Variants in JOSD1 observed in about 807,000 individuals in gnomAD.
The protein encoded by JOSD1 is josephin-1.
In JOSD1, 11 loss-of-function variants were observed where a neutral mutation model predicts 24.3. The observed-to-expected ratio is 0.45, with a 90% CI of 0.29 to 0.75. JOSD1 has a LOEUF of 0.75. Ranked by LOEUF, JOSD1 falls within the 30% of genes least tolerant of loss-of-function variation. JOSD1 has a pLI of 0.11. For missense variants in JOSD1, 184 were observed against 253.5 expected, an observed-to-expected ratio of 0.73 and a Z score of 1.86; for synonymous variants, 106 against 93.8, an observed-to-expected ratio of 1.13 and a Z score of -0.75.
At chr22:38,695,534 A>G (rs1003549856) in intron 2 of JOSD1, among the ~76,000 whole-genome samples, 27 of 147,600 alleles carry the variant, frequency 1.8e-4, no homozygotes, top group Admixed American at 1.7e-3. Flanking sequence ...TGCAGCCTCG[A>G]CCTCCTGGAC....
chr22:38,689,442 G>A lies in JOSD1; in HGVS notation c.186-18C>T. 2 of 1,613,910 alleles carry A rather than the reference G, an allele frequency of 1.2e-6. No individual in the cohort carries two copies. The highest frequency in any genetic ancestry group is 2.2e-5 in the South Asian group (2 of 91,052). The stretch of plus-strand genomic sequence containing the variant: ...GAGACAACCTACCAATGTGAAAAGA[G>A]GAGGGCTGAGACTTGCTGGATGCCT... On this transcript the variant is annotated intron_variant, in intron 2 of 4. Transcript: ENST00000683374.
At chr22:38,692,999 G>T (rs977180244) in intron 2 of JOSD1, among the ~76,000 whole-genome samples, 1 of 152,120 alleles carries the variant, frequency 6.6e-6, no homozygotes, top group South Asian at 2.1e-4. Context: ...CCTTAGAGCG[G>T]CGCTTCCCAA....
upstream of JOSD1, chr22:38,701,010 A>G (rs1325906883): frequency 2.0e-6 from 2 of 981,100 alleles, no homozygotes; most frequent in Non-Finnish European, 2.4e-6. Flanking sequence ...TGCTCCGGAA[A>G]CGCCCTCCCG....
chr22:38,695,770 A>G (rs2092543343), intron 2 of JOSD1, among the ~76,000 whole-genome samples: 1 of 151,024 alleles, frequency 6.6e-6, no homozygotes, highest in Non-Finnish European at 1.5e-5. Flanking sequence ...AATATTAAAT[A>G]TCCAAGGCCG....
intron 2 of JOSD1, among the ~76,000 whole-genome samples, chr22:38,690,813 G>A (rs1245425339): frequency 6.6e-6 from 1 of 152,044 alleles, no homozygotes; most frequent in Non-Finnish European, 1.5e-5. Context: ...TTGAGGTCAG[G>A]AGTTCAAGAC....
Position 38,685,843 on chromosome 22 carries a change from A to T in JOSD1, c.*2059T>A, listed in dbSNP as rs2145798501. The T allele has an allele frequency of 6.5e-6, 1 of 152,782 alleles. No homozygotes were observed. The highest frequency in any genetic ancestry group is 1.5e-5 in the Non-Finnish European group (1 of 68,062). The allele number at this position is 152,782 out of a possible 1,614,324, so 9.5% of individuals were successfully genotyped here. A position where few individuals can be genotyped will look rare whatever the true frequency, so the allele number is the denominator to read the frequency against. On this transcript the variant is annotated 3_prime_UTR_variant, in exon 5 of 5. Transcript: ENST00000683374. Reference sequence around the variant, plus strand: ...CCCTGTTCCTAAGCACCAGAATTGGATATGAACAGAGAAACCAGCCCTGAA... The same window carrying T: ...CCCTGTTCCTAAGCACCAGAATTGGTTATGAACAGAGAAACCAGCCCTGAA...
At chr22:38,696,700 T>C (rs1170383566) in intron 2 of JOSD1, among the ~76,000 whole-genome samples, 8 of 152,208 alleles carry the variant, frequency 5.3e-5, no homozygotes, top group Non-Finnish European at 1.2e-4. Context: ...TATGTTCAAA[T>C]CCTGGACCAA....
rs2092563856 is a variant in JOSD1 at position 38,700,478 on chromosome 22, G to GT, written c.-492dup. The GT allele has an allele frequency of 1.0e-6, 1 of 986,334 alleles. No homozygotes were observed. The highest frequency in any genetic ancestry group is 1.7e-5 in the African/African-American group (1 of 57,256). The allele number at this position is 986,334 out of a possible 1,614,324, so 61.1% of individuals were successfully genotyped here. A position where few individuals can be genotyped will look rare whatever the true frequency, so the allele number is the denominator to read the frequency against. On this transcript the variant is annotated 5_prime_UTR_variant, in exon 2 of 5. Coordinates refer to ENST00000683374, the MANE Select transcript of JOSD1 (RefSeq NM_001360236.2). ...CGGATAAATTTAGCGCACGAGTCGA[G>GT]TAGCTAGCGCGGGCCGGCAGGCGTG...
At chr22:38,693,666 A>G (rs1220131619) in intron 2 of JOSD1, among the ~76,000 whole-genome samples, 2 of 152,208 alleles carry the variant, frequency 1.3e-5, no homozygotes, top group Non-Finnish European at 2.9e-5. Context: ...TGTAGCCCCA[A>G]ACTCCTGGGC....
chr22:38,700,284 A>AAAAACCCCC lies in JOSD1; in HGVS notation c.-298_-297insGGGGGTTTT. 1.7e-6 allele frequency: 1 copy of AAAAACCCCC among 578,264 alleles called. No individual in the cohort carries two copies. Among genetic ancestry groups the AAAAACCCCC allele is most frequent in the Non-Finnish European group, 2.2e-6 (1 of 454,042 alleles). 35.8% of individuals were successfully genotyped at this position (578,264 alleles called of 1,614,324 possible). ...TGTAAGACCTTGTTTCCGTTTCCCC[A>AAAAACCCCC]CCCTTCCCTCCCACCCCCCTCCAAA... On this transcript the variant is annotated 5_prime_UTR_variant, in exon 2 of 5. Transcript: ENST00000683374.
In JOSD1 at chr22:38,700,520, G is replaced by A. The variant is rs1463386379; in HGVS notation, c.-533C>T. On this transcript the variant is annotated 5_prime_UTR_variant, in exon 2 of 5. Coordinates refer to ENST00000683374, the MANE Select transcript of JOSD1 (RefSeq NM_001360236.2). ...GCAGGCGTGGGACCGCGAGCCGCGC[G>A]GGGGCCTCGGGGGCAGCCCTCCATC... 32 of 986,096 alleles carry A rather than the reference G, an allele frequency of 3.2e-5. No individual in the cohort carries two copies. Among genetic ancestry groups the A allele is most frequent in the Non-Finnish European group, 3.3e-5 (27 of 830,390 alleles). The allele number at this position is 986,096 out of a possible 1,614,324, so 61.1% of individuals were successfully genotyped here.
At position 38,687,183 on chromosome 22, in the gene JOSD1, G is replaced by C. The variant is rs1393715641; in HGVS notation, c.*719C>G. The C allele has an allele frequency of 3.9e-5, 6 of 152,256 alleles. No individual in the cohort carries two copies. The highest frequency in any genetic ancestry group is 1.4e-4 in the African/African-American group (6 of 41,450). 9.4% of individuals were successfully genotyped at this position (152,256 alleles called of 1,614,324 possible). A position where few individuals can be genotyped will look rare whatever the true frequency, so the allele number is the denominator to read the frequency against. On this transcript the variant is annotated 3_prime_UTR_variant, in exon 5 of 5. Transcript: ENST00000683374. ...AAAAATACAAAATTAGCCAGGTGTG[G>C]TGGCAGGCGCCTGTAATCCCAACTA...
At chr22:38,696,444 T>C (rs2092546690) in intron 2 of JOSD1, among the ~76,000 whole-genome samples, 1 of 152,142 alleles carries the variant, frequency 6.6e-6, no homozygotes, top group African/African-American at 2.4e-5. Context: ...TGCTATATGT[T>C]GGCCAGGCTG....
chr22:38,689,461 G>A (rs375154999), intron 2 of JOSD1, 37 bp from the exon 3 acceptor site: 46 of 1,611,986 alleles, frequency 2.9e-5, no homozygotes, highest in East Asian at 1.6e-4. Flanking sequence ...AGACTTGCTG[G>A]ATGCCTGAAC....
At chr22:38,698,887 G>A (rs1010108418) in intron 2 of JOSD1, among the ~76,000 whole-genome samples, 5 of 152,142 alleles carry the variant, frequency 3.3e-5, no homozygotes, top group African/African-American at 1.2e-4. Context: ...CTCCCGACTA[G>A]CTGGGACTAC....
rs866931747 is a variant in JOSD1, at chr22:38,689,014, G to A, written c.430C>T (p.Arg144Ter). The change falls in exon 4 of 5, where the codon CGA becomes TGA. Residue 144 changes from arginine to a stop codon, truncating the protein, a stop_gained. Transcript: ENST00000683374. LOFTEE classifies it high-confidence loss of function. ...PLKRQHWICVREVGGAYYNLD... is the reference protein window; with the variant it reads ...PLKRQHWICV ...TTGTAGTAGGCCCCTCCCACCTCTCGAACACAGATCCAGTGCTGCCTTTTG... is the reference window on the plus strand; with the variant it reads ...TTGTAGTAGGCCCCTCCCACCTCTCAAACACAGATCCAGTGCTGCCTTTTG... The A allele has an allele frequency of 3.1e-6, 5 of 1,613,986 alleles. No individual in the cohort carries two copies. Among genetic ancestry groups the A allele is most frequent in the East Asian group, 2.2e-5 (1 of 44,898 alleles).
At position 38,699,916 on chromosome 22, in the gene JOSD1, TG is replaced by T. The variant is rs946257452; in HGVS notation, c.71del (p.Pro24HisfsTer46). ...ESLELPQAAP[P>X]QIYHEKQRRE... ...TGCGCTGTTTCTCATGGTAGATTTG[TG>T]GGGGTGCTGCCTGGGGCAGCTCCAA... On this transcript the variant is annotated frameshift_variant, in exon 2 of 5. Transcript: ENST00000683374. LOFTEE classifies it high-confidence loss of function. 1 of 1,614,036 alleles carries T rather than the reference TG, an allele frequency of 6.2e-7. No individual in the cohort carries two copies. The highest frequency in any genetic ancestry group is 8.5e-7 in the Non-Finnish European group (1 of 1,180,008).
Position 38,699,457 on chromosome 22 carries a change from A to T in JOSD1, c.185+346T>A, listed in dbSNP as rs78178336. ...TAGCATAGTGGTCAACAGCATAGAT[A>T]TAAGAATTCAACCCCAGCTCCAAGT... is the stretch of plus-strand genomic sequence containing the variant. On this transcript the variant is annotated intron_variant, in intron 2 of 4. Transcript: ENST00000683374. Among the ~76,000 whole-genome samples the T allele has an allele frequency of 1.5e-4, 23 of 152,378 alleles. No homozygotes were observed. The East Asian group carries it at 4.0e-3, about 27-fold the overall frequency.
At chr22:38,692,009 T>G (rs1053054837) in intron 2 of JOSD1, among the ~76,000 whole-genome samples, 2 of 152,210 alleles carry the variant, frequency 1.3e-5, no homozygotes, top group Admixed American at 1.3e-4. Flanking sequence ...GTTGTCCTTC[T>G]CTTTCCCTGT....
Sources: gnomAD v4.1 joint callset for allele counts (sites outside exome capture counted in the v4.1 genomes callset) on GRCh38, gnomAD v4.1.1 for gene constraint, MANE v1.5 for transcripts, NCBI Gene and HGNC (gene_info 2026-07-23, HGNC 2026-07-21) for gene names.